Variants in FAM178B observed in about 807,000 individuals in gnomAD.
FAM178B encodes the protein family with sequence similarity 178 member B, also known as protein FAM178B.
Under a neutral mutation model 91.7 loss-of-function variants are expected in FAM178B, and 82 were observed. That is an observed-to-expected ratio of 0.89 (90% CI 0.75 to 1.07). The LOEUF (loss-of-function observed/expected upper bound fraction) is 1.07, where lower values mean the gene tolerates loss of function less well. Ranked by LOEUF, FAM178B falls within the 50% of genes least tolerant of loss-of-function variation. FAM178B has a pLI of 0.00. For synonymous variants in FAM178B, 368 were observed against 359.4 expected (o/e 1.02, Z -0.27); for missense variants, 769 against 846.7 (o/e 0.91, Z 1.14).
intron 12 of FAM178B, among the ~76,000 whole-genome samples, chr2:96,919,209 G>T (rs1423470789): frequency 1.3e-5 from 2 of 152,194 alleles, no homozygotes; most frequent in South Asian, 4.1e-4. Flanking sequence ...GAGGTTTATT[G>T]TGTGTATGTG....
rs748296623 is a variant in FAM178B, at chr2:96,970,763, G to GCC, written c.577_578dup (p.Ser194AlafsTer92). ...CCAGGTTGTTGAAGTAGCTTCCTGA[G>GCC]CCCCCCCAGGAAAACTGGAGAAACA... is the stretch of plus-strand genomic sequence containing the variant. On this transcript the variant is annotated frameshift_variant, in exon 4 of 17. Coordinates refer to ENST00000490605, the MANE Select transcript of FAM178B (RefSeq NM_001122646.3). LOFTEE classifies it high-confidence loss of function. 2 of 1,550,856 alleles carry GCC rather than the reference G, an allele frequency of 1.3e-6. No homozygotes were observed. Among genetic ancestry groups the GCC allele is most frequent in the East Asian group, 4.9e-5 (2 of 40,910 alleles).
At chr2:96,904,308 T>C (rs1020786517) in intron 12 of FAM178B, among the ~76,000 whole-genome samples, 1 of 152,134 alleles carries the variant, frequency 6.6e-6, no homozygotes, top group East Asian at 1.9e-4. Context: ...TCCAACAACA[T>C]GAACGACCTC....
intron 12 of FAM178B, among the ~76,000 whole-genome samples, chr2:96,909,332 C>T (rs2081111898): frequency 6.6e-6 from 1 of 152,096 alleles, no homozygotes; most frequent in South Asian, 2.1e-4. Flanking sequence ...GAAATCGTTC[C>T]CATATTTTGC....
At position 96,878,051 on chromosome 2, in the gene FAM178B, G is replaced by A. The variant is rs777095090; in HGVS notation, c.1855-9C>T. On this transcript the variant is annotated splice_polypyrimidine_tract_variant and intron_variant, in intron 15 of 16. Coordinates refer to ENST00000490605, the MANE Select transcript of FAM178B (RefSeq NM_001122646.3). ...AGCAGCTGCAGCTCGCCCTGTGGAGGCGGAGGGAGGCCAAGAAGCGGGTGT... is the reference window on the plus strand; with the variant it reads ...AGCAGCTGCAGCTCGCCCTGTGGAGACGGAGGGAGGCCAAGAAGCGGGTGT... 6.2e-7 allele frequency: 1 copy of A among 1,606,144 alleles called. No homozygotes were observed. Among genetic ancestry groups the A allele is most frequent in the East Asian group, 2.2e-5 (1 of 44,888 alleles).
At position 96,889,720 on chromosome 2, in the gene FAM178B, ATAC is replaced by A. The variant is rs1375847464; in HGVS notation, c.1776+4203_1776+4205del. The stretch of plus-strand genomic sequence containing the variant: ...AATAAATAAATAAATAAATAAATAA[ATAC>A]AAAAAAAAATAGAGCATCAGTAGAG... On this transcript the variant is annotated intron_variant, in intron 14 of 16. Coordinates refer to ENST00000490605, the MANE Select transcript of FAM178B (RefSeq NM_001122646.3). Among the ~76,000 whole-genome samples, 313 of 136,056 alleles carry A rather than the reference ATAC, an allele frequency of 2.3e-3. 2 individuals are homozygous for A. Among genetic ancestry groups the A allele is most frequent in the South Asian group, 0.013 (33 of 2,498 alleles). 89.3% of individuals were successfully genotyped at this position (136,056 alleles called of 152,430 possible). A position where few individuals can be genotyped will look rare whatever the true frequency, so the allele number is the denominator to read the frequency against.
chr2:96,885,612 G>A (rs1006526569), intron 14 of FAM178B, among the ~76,000 whole-genome samples: 8 of 152,212 alleles, frequency 5.3e-5, no homozygotes, highest in African/African-American at 7.2e-5. Context: ...TCCTCCATCC[G>A]CCGGCTGGTG....
chr2:96,889,197 C>T (rs1194132682), intron 14 of FAM178B, among the ~76,000 whole-genome samples: 1 of 152,150 alleles, frequency 6.6e-6, no homozygotes, highest in Non-Finnish European at 1.5e-5. Context: ...CTGACTCTGC[C>T]CCAGCTCTGG....
At chr2:96,893,788 T>C in intron 14 of FAM178B, 138 bp downstream of exon 14, 1 of 1,063,394 alleles carries the variant, frequency 9.4e-7, no homozygotes, top group Non-Finnish European at 1.3e-6. Flanking sequence ...GGAGGCAGCC[T>C]GTTGGTCTCT....
chr2:96,972,136 C>T lies in FAM178B; in HGVS notation c.329G>A (p.Trp110Ter), dbSNP rs1388959189. ...QAPGETFPTD[W>*]SPPPVEFLNP... The stretch of plus-strand genomic sequence containing the variant: ...GAGGAATTCCACGGGCGGGGGGCTC[C>T]AGTCAGTGGGAAACGTTTCCCCAGG... The change falls in exon 3 of 17, where the codon TGG becomes TAG. Residue 110 changes from tryptophan (W) to a stop codon, truncating the protein, a stop_gained. Coordinates refer to ENST00000490605, the MANE Select transcript of FAM178B (RefSeq NM_001122646.3). LOFTEE classifies it high-confidence loss of function. 2.0e-6 allele frequency: 3 copies of T among 1,533,550 alleles called. No individual in the cohort carries two copies. The highest frequency in any genetic ancestry group is 1.4e-5 in the African/African-American group (1 of 72,540). The allele number at this position is 1,533,550 out of a possible 1,614,324, so 95.0% of individuals were successfully genotyped here. A position where few individuals can be genotyped will look rare whatever the true frequency, so the allele number is the denominator to read the frequency against.
intron 10 of FAM178B, among the ~76,000 whole-genome samples, chr2:96,922,871 G>A (rs1425660230): frequency 6.6e-6 from 1 of 151,478 alleles, no homozygotes; most frequent in Non-Finnish European, 1.5e-5. Context: ...ACGGGGTTTT[G>A]CCATGTTAGC....
intron 12 of FAM178B, among the ~76,000 whole-genome samples, chr2:96,916,466 TAATG>T (rs2081242515): frequency 6.6e-6 from 1 of 152,240 alleles, no homozygotes; most frequent in African/African-American, 2.4e-5. Flanking sequence ...ACAGGATGTT[TAATG>T]AATAGCCGCA....
rs1261147760 is a variant in FAM178B, at chr2:96,932,715, A to C, written c.1079-3395T>G. Among the ~76,000 whole-genome samples the C allele has an allele frequency of 5.3e-5, 8 of 152,088 alleles. No individual in the cohort carries two copies. In the East Asian group the frequency reaches 1.5e-3, roughly 29 times the overall value. On this transcript the variant is annotated intron_variant, in intron 8 of 16. Coordinates refer to ENST00000490605, the MANE Select transcript of FAM178B (RefSeq NM_001122646.3). ...CACTTTGGGAGGCCGAGGTGGGTGGATCACCTGAGGTCAGGAGTTCGAGAC... is the reference window on the plus strand; with the variant it reads ...CACTTTGGGAGGCCGAGGTGGGTGGCTCACCTGAGGTCAGGAGTTCGAGAC...
At chr2:96,923,387 G>A in intron 10 of FAM178B, 103 bp downstream of exon 10, 1 of 892,850 alleles carries the variant, frequency 1.1e-6, no homozygotes, top group Non-Finnish European at 1.8e-6. Flanking sequence ...CCATGGTGCT[G>A]AGCTCGCCGG....
chr2:96,968,479 T>G (rs1234221642), intron 4 of FAM178B, among the ~76,000 whole-genome samples: 3 of 152,068 alleles, frequency 2.0e-5, no homozygotes, highest in Admixed American at 2.0e-4. Flanking sequence ...TCCCTCCAGG[T>G]GCCCACCCTG....
chr2:96,888,726 C>T (rs1245962915), intron 14 of FAM178B, among the ~76,000 whole-genome samples: 3 of 152,260 alleles, frequency 2.0e-5, no homozygotes, highest in Admixed American at 6.5e-5. Context: ...CAAGGATATA[C>T]AGGAGATGTG....
Position 96,947,915 on chromosome 2 carries a change from A to AAAAAC in FAM178B, c.994-14_994-13insGTTTT. 1 of 1,485,904 alleles carries AAAAAC rather than the reference A, an allele frequency of 6.7e-7. No homozygotes were observed. The highest frequency in any genetic ancestry group is 1.4e-5 in the African/African-American group (1 of 69,274). The allele number at this position is 1,485,904 out of a possible 1,614,324, so 92.0% of individuals were successfully genotyped here. On this transcript the variant is annotated splice_polypyrimidine_tract_variant and intron_variant, in intron 7 of 16. Coordinates refer to ENST00000490605, the MANE Select transcript of FAM178B (RefSeq NM_001122646.3). ...GCCATGTCAGCAGCTAGGTGGAAAAAAAAAACAAAAACAAAAACCTGGTGA... is the reference window on the plus strand; with the variant it reads ...GCCATGTCAGCAGCTAGGTGGAAAAAAAAACAAAAACAAAAACAAAAACCTGGTGA...
intron 6 of FAM178B, among the ~76,000 whole-genome samples, chr2:96,958,489 A>T (rs1270441688): frequency 6.6e-6 from 1 of 151,720 alleles, no homozygotes; most frequent in Non-Finnish European, 1.5e-5. Context: ...GGAGTTCAAG[A>T]CCAACCTGGG....
At chr2:96,936,342 C>T (rs530067810) in intron 8 of FAM178B, among the ~76,000 whole-genome samples, 3 of 150,346 alleles carry the variant, frequency 2.0e-5, no homozygotes, top group Admixed American at 6.7e-5. Flanking sequence ...GCTGGAACTA[C>T]AGGCGCCCGC....
At chr2:96,985,262 T>C (rs911836934) in intron 1 of FAM178B, among the ~76,000 whole-genome samples, 14 of 152,172 alleles carry the variant, frequency 9.2e-5, no homozygotes, top group African/African-American at 3.4e-4. Context: ...GACCTGTTTC[T>C]CCTCCATCTC....
Sources: allele counts gnomAD v4.1 joint callset (sites outside exome capture counted in the v4.1 genomes callset), GRCh38; gene constraint gnomAD v4.1.1; transcripts MANE v1.5; gene names NCBI Gene and HGNC (gene_info 2026-07-23, HGNC 2026-07-21).